Variants in WDFY3 observed in about 807,000 individuals in gnomAD.
The protein encoded by WDFY3 is WD repeat and FYVE domain-containing protein 3.
A neutral mutation model predicts 409.6 loss-of-function variants in WDFY3; 66 were observed. That is an observed-to-expected ratio of 0.16 (90% CI 0.13 to 0.20). WDFY3 has a LOEUF of 0.20. Ranked by LOEUF, WDFY3 falls within the 10% of genes least tolerant of loss-of-function variation. WDFY3 has a pLI of 1.00. For missense variants in WDFY3, 3,031 were observed against 4,298.1 expected, an observed-to-expected ratio of 0.71 and a Z score of 8.24; for synonymous variants, 1,521 against 1,537.1, an observed-to-expected ratio of 0.99 and a Z score of 0.25.
chr4:84,925,436 T>G (rs373188742), intron 2 of WDFY3, among the ~76,000 whole-genome samples: 1 of 152,128 alleles, frequency 6.6e-6, no homozygotes, highest in East Asian at 1.9e-4. Context: ...TACAAGAAAG[T>G]TGGTCTGGAC....
chr4:84,876,521 C>T (rs779813203), intron 3 of WDFY3, among the ~76,000 whole-genome samples: 10 of 152,112 alleles, frequency 6.6e-5, no homozygotes, highest in Non-Finnish European at 1.0e-4. Context: ...GGCACAAGTG[C>T]TCAGTAAGAG....
At chr4:84,777,894 A>G (rs1178843104) in intron 27 of WDFY3, among the ~76,000 whole-genome samples, 2 of 152,272 alleles carry the variant, frequency 1.3e-5, no homozygotes, top group South Asian at 2.1e-4. Context: ...GAAAAAGGAT[A>G]TAAGTGATCA....
intron 3 of WDFY3, among the ~76,000 whole-genome samples, chr4:84,883,101 T>A (rs1409205512): frequency 1.3e-5 from 2 of 151,922 alleles, no homozygotes; most frequent in Non-Finnish European, 2.9e-5. Context: ...ACTAAAGGAG[T>A]TGAAGAGTGG....
chr4:84,733,285 G>T, intron 44 of WDFY3, 97 bp downstream of exon 44: 1 of 1,308,746 alleles, frequency 7.6e-7, no homozygotes, highest in Non-Finnish European at 1.1e-6. Flanking sequence ...TTTAAAATTA[G>T]CTATTTGAGG....
At chr4:84,729,919 G>C (rs1330731414) in intron 44 of WDFY3, among the ~76,000 whole-genome samples, 1 of 152,070 alleles carries the variant, frequency 6.6e-6, no homozygotes, top group Non-Finnish European at 1.5e-5. Flanking sequence ...CTTTAGGTTG[G>C]CACAAACCTA....
At chr4:84,778,016 G>A (rs1250878147) in intron 27 of WDFY3, among the ~76,000 whole-genome samples, 1 of 152,060 alleles carries the variant, frequency 6.6e-6, no homozygotes, top group Non-Finnish European at 1.5e-5. Context: ...CCTGAGCAAA[G>A]GGGAAAAAGA....
chr4:84,756,188 C>G (rs917927590), intron 33 of WDFY3, among the ~76,000 whole-genome samples: 4 of 151,734 alleles, frequency 2.6e-5, no homozygotes, highest in African/African-American at 9.7e-5. Flanking sequence ...TTTTTTTTTC[C>G]TAATCCGAAT....
chr4:84,939,356 G>A (rs77628927), intron 1 of WDFY3, among the ~76,000 whole-genome samples: 149 of 152,220 alleles, frequency 9.8e-4, no homozygotes, highest in Middle Eastern at 3.4e-3. Flanking sequence ...TTGTTGGATC[G>A]CACCAATGCA....
At chr4:84,752,454 G>A (rs1740697254) in intron 35 of WDFY3, among the ~76,000 whole-genome samples, 1 of 151,524 alleles carries the variant, frequency 6.6e-6, no homozygotes, top group African/African-American at 2.4e-5. Flanking sequence ...TTGAACTTGG[G>A]ACGTGGAGGT....
intron 2 of WDFY3, among the ~76,000 whole-genome samples, chr4:84,900,288 C>A (rs1320414193): frequency 6.6e-6 from 1 of 152,050 alleles, no homozygotes; most frequent in Admixed American, 6.6e-5. Context: ...TTCAGTGGTA[C>A]AATCATAGCT....
chr4:84,923,212 T>C (rs1216869561), intron 2 of WDFY3, among the ~76,000 whole-genome samples: 1 of 152,168 alleles, frequency 6.6e-6, no homozygotes, highest in Non-Finnish European at 1.5e-5. Flanking sequence ...TTCTTAAAAG[T>C]AGGAGATGAA....
chr4:84,879,993 A>C (rs557403055), intron 3 of WDFY3, among the ~76,000 whole-genome samples: 1 of 152,336 alleles, frequency 6.6e-6, no homozygotes, highest in Non-Finnish European at 1.5e-5. Context: ...AATCTCTAGA[A>C]CCTGTATGTT....
Position 84,759,580 on chromosome 4 carries a change from T to C in WDFY3, c.5189-2419A>G, listed in dbSNP as rs569389050. ...TCTTTGAAGCAATTGTGAATGGGAG[T>C]TCACTCATGATTTGGCTCTCTGTTT... On this transcript the variant is annotated intron_variant, in intron 32 of 67. Transcript: ENST00000295888. Among the ~76,000 whole-genome samples, 536 of 150,256 alleles carry C rather than the reference T, an allele frequency of 3.6e-3. 4 individuals carry two copies. The highest frequency in any genetic ancestry group is 6.4e-3 in the Non-Finnish European group (434 of 67,618).
chr4:84,911,711 A>C (rs1767818706), intron 2 of WDFY3, among the ~76,000 whole-genome samples: 1 of 152,150 alleles, frequency 6.6e-6, no homozygotes, highest in African/African-American at 2.4e-5. Flanking sequence ...ATTAAGAAAA[A>C]AGTAAGTAGG....
intron 14 of WDFY3, chr4:84,808,835 G>A (rs966300658): frequency 1.3e-5 from 2 of 152,300 alleles, no homozygotes; most frequent in African/African-American, 4.8e-5. Flanking sequence ...TCAAGATAGG[G>A]AAAAGCAGAA....
chr4:84,880,668 A>T (rs1763364213), intron 3 of WDFY3, among the ~76,000 whole-genome samples: 1 of 84,490 alleles, frequency 1.2e-5, no homozygotes, highest in African/African-American at 4.9e-5. Flanking sequence ...CAATAAGGGA[A>T]CCATACATAT....
chr4:84,803,636 G>A (rs1013087937), intron 15 of WDFY3, among the ~76,000 whole-genome samples, 169 bp from the exon 16 acceptor site: 3 of 152,024 alleles, frequency 2.0e-5, no homozygotes, highest in Non-Finnish European at 2.9e-5. Context: ...GTGTGTGTCC[G>A]CATGTGTGTG....
rs191129005 is a variant in WDFY3, at chr4:84,900,473, A to G, written c.-131-3463T>C. Among the ~76,000 whole-genome samples the G allele has an allele frequency of 2.2e-3, 337 of 152,256 alleles. 2 individuals are homozygous for G. The highest frequency in any genetic ancestry group is 4.2e-3 in the Non-Finnish European group (283 of 68,016). On this transcript the variant is annotated intron_variant, in intron 2 of 67. Transcript: ENST00000295888. ...ACTCCTGGCCTCAAGCGATCCTCCA[A>G]AAGTGCTGAGATTACAGTCATGAGC...
chr4:84,847,790 C>CAAAAAAAAAAAAAAAAAAAAAA (rs78361102), intron 5 of WDFY3, among the ~76,000 whole-genome samples: 2 of 82,870 alleles, frequency 2.4e-5, no homozygotes, highest in Admixed American at 1.3e-4. Context: ...AAAAAAAAAC[C>CAAAAAAAAAAAAAAAAAAAAAA]AAAAAAAAAA....
Sources: allele counts gnomAD v4.1 joint callset (sites outside exome capture counted in the v4.1 genomes callset), GRCh38; gene constraint gnomAD v4.1.1; transcripts MANE v1.5; gene names NCBI Gene and HGNC (gene_info 2026-07-23, HGNC 2026-07-21).